Variants in CEP152 observed in about 807,000 individuals in gnomAD.
CEP152 encodes centrosomal protein 152, also known as centrosomal protein of 152 kDa.
A neutral mutation model predicts 188.9 loss-of-function variants in CEP152; 132 were observed. The ratio of observed to expected loss-of-function variants is 0.70; its 90% CI spans 0.61 to 0.81. The LOEUF (loss-of-function observed/expected upper bound fraction) is 0.81. CEP152 is among the 30% of genes least tolerant of loss of function. The probability of loss-of-function intolerance (pLI) is 0.00; values close to 1 mark genes in which losing one functional copy is unlikely to be tolerated. For synonymous variants in CEP152, 649 were observed against 666.6 expected (o/e 0.97, Z 0.41); for missense variants, 1,914 against 1,969.8 (o/e 0.97, Z 0.54).
chr15:48,744,194 T>TA, intron 24 of CEP152, 46 bp downstream of exon 24: 1 of 1,606,152 alleles, frequency 6.2e-7, no homozygotes, highest in Non-Finnish European at 8.5e-7. Context: ...ACAGTGATAA[T>TA]AAAAAAGGCC....
intron 12 of CEP152, among the ~76,000 whole-genome samples, chr15:48,775,739 G>A (rs1263403603): frequency 6.6e-6 from 1 of 152,064 alleles, no homozygotes; most frequent in Non-Finnish European, 1.5e-5. Flanking sequence ...AGCTGTGGAG[G>A]CAGGAAGAGG....
rs2140616771 is a variant in CEP152 at position 48,748,511 on chromosome 15, A to G, written c.3566T>C (p.Leu1189Pro). The change falls in exon 22 of 27, where the codon CTG becomes CCG. Residue 1189 changes from leucine (L) to proline (P), a missense_variant. Physicochemically the swap from Leu to Pro is moderately conservative, Grantham distance 98 (BLOSUM62 -3). Coordinates refer to ENST00000380950, the MANE Select transcript of CEP152 (RefSeq NM_001194998.2). The part of the protein sequence containing the change: ...KQECQDLKGK[L>P]EKCCRHLQHL... ...CTGAAGATGCCTACAGCATTTCTCC[A>G]GTTTTCCTTTCAGATCTTGACATTC... 6.5e-7 allele frequency: 1 copy of G among 1,535,172 alleles called. No homozygotes were observed. Among genetic ancestry groups the G allele is most frequent in the Non-Finnish European group, 8.7e-7 (1 of 1,146,368 alleles).
rs144360191 is a variant in CEP152 at position 48,787,232 on chromosome 15, A to G, written c.1173+1569T>C. On this transcript the variant is annotated intron_variant, in intron 9 of 26. Transcript: ENST00000380950. ...ACCCAGGCTGGAATGCAGTGGTGCA[A>G]TCATGGCTCACTGCAGCCTCGACCT... Among the ~76,000 whole-genome samples the G allele has an allele frequency of 2.6e-3, 353 of 137,792 alleles. 1 individual carries two copies. Among genetic ancestry groups the G allele is most frequent in the African/African-American group, 9.2e-3 (341 of 36,974 alleles). 90.4% of individuals were successfully genotyped at this position (137,792 alleles called of 152,430 possible).
At chr15:48,782,054 C>T in intron 11 of CEP152, 85 bp downstream of exon 11, 1 of 1,271,448 alleles carries the variant, frequency 7.9e-7, no homozygotes, top group Non-Finnish European at 1.1e-6. Context: ...CTCTATTATA[C>T]AGAGAAACCC....
At chr15:48,800,755 G>A (rs1595701365) in intron 2 of CEP152, among the ~76,000 whole-genome samples, 1 of 151,996 alleles carries the variant, frequency 6.6e-6, no homozygotes, top group African/African-American at 2.4e-5. Context: ...TACCTTCCCT[G>A]TAAGAAAGAT....
At chr15:48,739,655 T>G (rs1048041880) in intron 26 of CEP152, among the ~76,000 whole-genome samples, 6 of 152,186 alleles carry the variant, frequency 3.9e-5, no homozygotes, top group Admixed American at 3.3e-4. Context: ...GAATGGAGTT[T>G]CTGACAAGTT....
rs1270724141 is a variant in CEP152 at position 48,769,968 on chromosome 15, C to T, written c.1783-887G>A. ...ATGGGAAAAGAATATCTAACAATTG[C>T]TTTCATTTGTATTTCTTGTGTCACC... On this transcript the variant is annotated intron_variant, in intron 13 of 26. Transcript: ENST00000380950. Among the ~76,000 whole-genome samples, 8 of 152,126 alleles carry T rather than the reference C, an allele frequency of 5.3e-5. 1 individual carries two copies. The South Asian group carries it at 8.3e-4, about 16-fold the overall frequency.
intron 20 of CEP152, 106 bp downstream of exon 20, chr15:48,755,797 G>C: frequency 6.3e-7 from 1 of 1,577,490 alleles, no homozygotes; most frequent in South Asian, 1.2e-5. Context: ...AAAAACATAA[G>C]ACTTACATCT....
intron 2 of CEP152, among the ~76,000 whole-genome samples, chr15:48,730,406 G>T (rs1444319789): frequency 6.6e-6 from 1 of 152,192 alleles, no homozygotes; most frequent in African/African-American, 2.4e-5. Context: ...AAATTAACAG[G>T]AAGAAAGTCT....
At chr15:48,784,993 G>C (rs1359756602) in intron 9 of CEP152, among the ~76,000 whole-genome samples, 2 of 152,086 alleles carry the variant, frequency 1.3e-5, no homozygotes, top group African/African-American at 4.8e-5. Context: ...CCAGGCAAAT[G>C]GCAGAGCATG....
At chr15:48,765,267 T>C (rs998871201) in intron 17 of CEP152, among the ~76,000 whole-genome samples, 4 of 152,232 alleles carry the variant, frequency 2.6e-5, no homozygotes, top group African/African-American at 9.6e-5. Context: ...ATAAAACTGT[T>C]CTGTATCCTG....
intron 19 of CEP152, among the ~76,000 whole-genome samples, chr15:48,758,908 A>C (rs1226475838): frequency 6.6e-5 from 10 of 152,100 alleles, no homozygotes; most frequent in Non-Finnish European, 1.5e-5. Context: ...ACAAACATAC[A>C]GCCTTCTATG....
rs1896012512 is a variant in CEP152, at chr15:48,777,698, AG to A, written c.1577+3497del. Reference sequence around the variant, plus strand: ...ATTGAAGTAGAAAATATAAATTACAAGAAATATAAAATATTTTACAATATAA... The same window carrying A: ...ATTGAAGTAGAAAATATAAATTACAAAAATATAAAATATTTTACAATATAA... On this transcript the variant is annotated intron_variant, in intron 12 of 26. Coordinates refer to ENST00000380950, the MANE Select transcript of CEP152 (RefSeq NM_001194998.2). 2.0e-5 allele frequency among the ~76,000 whole-genome samples: 3 copies of A among 152,150 alleles called. No homozygotes were observed. The South Asian group carries it at 6.2e-4, about 32-fold the overall frequency.
At chr15:48,808,055 A>T (rs1190761208) in intron 1 of CEP152, among the ~76,000 whole-genome samples, 1 of 152,140 alleles carries the variant, frequency 6.6e-6, no homozygotes, top group Non-Finnish European at 1.5e-5. Context: ...ACTATAAACT[A>T]TAAAAGACTT....
At chr15:48,796,244 G>A (rs1437467135) in intron 5 of CEP152, 84 bp from the exon 6 acceptor site, 26 of 1,453,128 alleles carry the variant, frequency 1.8e-5, no homozygotes, top group Admixed American at 6.8e-5. Context: ...TTAATGTTAC[G>A]TTACAGAACT....
intron 1 of CEP152, among the ~76,000 whole-genome samples, chr15:48,806,578 A>T (rs545071498): frequency 6.6e-6 from 1 of 152,172 alleles, no homozygotes; most frequent in Admixed American, 6.5e-5. Flanking sequence ...CTGAGCCACA[A>T]CTCATTCACT....
At chr15:48,770,595 C>T (rs1293391421) in intron 13 of CEP152, among the ~76,000 whole-genome samples, 4 of 152,150 alleles carry the variant, frequency 2.6e-5, no homozygotes, top group East Asian at 1.9e-4. Flanking sequence ...CTAGAGCACT[C>T]CCACCAAAAT....
downstream of CEP152, among the ~76,000 whole-genome samples, chr15:48,736,625 C>T (rs529544945): frequency 6.6e-6 from 1 of 152,276 alleles, no homozygotes; most frequent in African/African-American, 2.4e-5. Flanking sequence ...CCTTGTCATA[C>T]ACCCTATACC....
chr15:48,765,636 A>ATTTTTTTTTTTT lies in CEP152; in HGVS notation c.2280+1412_2280+1423dup, dbSNP rs34837739. On this transcript the variant is annotated intron_variant, in intron 17 of 26. Transcript: ENST00000380950. ...GAAAATTCCTCTTATGTTCTTGCCA[A>ATTTTTTTTTTTT]TTTTTTTTTTTTTTTTTTTTTTTTT... 47 of 189,468 alleles carry ATTTTTTTTTTTT rather than the reference A, an allele frequency of 2.5e-4. 1 individual carries two copies. The highest frequency in any genetic ancestry group is 5.8e-4 in the South Asian group (18 of 31,268). 11.7% of individuals were successfully genotyped at this position (189,468 alleles called of 1,614,324 possible).
Sources: allele counts gnomAD v4.1 joint callset (sites outside exome capture counted in the v4.1 genomes callset), GRCh38; gene constraint gnomAD v4.1.1; transcripts MANE v1.5; gene names NCBI Gene and HGNC (gene_info 2026-07-23, HGNC 2026-07-21).